GALNT10: variants seen among roughly 807,000 people sequenced by gnomAD.
The protein encoded by GALNT10 is polypeptide N-acetylgalactosaminyltransferase 10, also known as GalNAc transferase 10.
In GALNT10, 41 loss-of-function variants were observed where a neutral mutation model predicts 75.0. The ratio of observed to expected loss-of-function variants is 0.55; its 90% confidence interval spans 0.43 to 0.71. The LOEUF is 0.71. Ranked by LOEUF, GALNT10 falls within the 30% of genes least tolerant of loss-of-function variation. GALNT10 has a pLI of 0.00. For missense variants in GALNT10, 727 were observed against 818.5 expected (o/e 0.89, Z 1.36); for synonymous variants, 302 against 313.0 (o/e 0.96, Z 0.37).
intron 1 of GALNT10, among the ~76,000 whole-genome samples, chr5:154,255,997 T>G (rs1005805352): frequency 2.0e-5 from 3 of 152,160 alleles, no homozygotes; most frequent in Non-Finnish European, 2.9e-5. Context: ...TATAACTCTC[T>G]TAAGTAACCA....
At chr5:154,219,838 T>TCACACACACA (rs553301418) in intron 1 of GALNT10, among the ~76,000 whole-genome samples, 58 of 125,664 alleles carry the variant, frequency 4.6e-4, no homozygotes, top group African/African-American at 1.4e-3. Context: ...TCTCTCTCTC[T>TCACACACACA]CACACACACA....
chr5:154,205,076 C>G (rs1174107739), intron 1 of GALNT10, among the ~76,000 whole-genome samples: 1 of 152,166 alleles, frequency 6.6e-6, no homozygotes, highest in Non-Finnish European at 1.5e-5. Context: ...ATTTGGACAC[C>G]ACTCTGTTCT....
chr5:154,357,451 G>C (rs1052783263), intron 4 of GALNT10, among the ~76,000 whole-genome samples: 1 of 152,064 alleles, frequency 6.6e-6, no homozygotes, highest in South Asian at 2.1e-4. Context: ...TCCATTAAAT[G>C]CCTTTGGTCT....
chr5:154,330,888 G>A (rs942901592), intron 4 of GALNT10, among the ~76,000 whole-genome samples: 1 of 141,414 alleles, frequency 7.1e-6, no homozygotes, highest in African/African-American at 2.8e-5. Context: ...TTAGTACAGA[G>A]GCCTCAGAGA....
chr5:154,266,042 A>C (rs139555040), intron 1 of GALNT10, among the ~76,000 whole-genome samples: 283 of 152,310 alleles, frequency 1.9e-3, no homozygotes, highest in African/African-American at 6.4e-3. Flanking sequence ...GAAATGTGGG[A>C]TGTATAGAAT....
intron 1 of GALNT10, among the ~76,000 whole-genome samples, chr5:154,280,603 C>T (rs1406491602): frequency 1.3e-5 from 2 of 152,184 alleles, no homozygotes; most frequent in African/African-American, 4.8e-5. Flanking sequence ...TCTCCCAGTT[C>T]ATGGCTTGTC....
chr5:154,412,713 C>T lies in GALNT10; in HGVS notation c.1387-176C>T. 1 of 633,518 alleles carries T rather than the reference C, an allele frequency of 1.6e-6. No homozygotes were observed. Among genetic ancestry groups the T allele is most frequent in the Non-Finnish European group, 2.9e-6 (1 of 349,756 alleles). 39.2% of individuals were successfully genotyped at this position (633,518 alleles called of 1,614,324 possible). A position where few individuals can be genotyped will look rare whatever the true frequency, so the allele number is the denominator to read the frequency against. ...AAGGATTACATTCTGTGGACTGAGT[C>T]TTCCTTCATTGAGAGGCTCAAGGTA... On this transcript the variant is annotated intron_variant, in intron 9 of 11. Transcript: ENST00000297107. This position sits in a 1 kb window ranked among gnomAD's most constrained non-coding sequence, Gnocchi z 4.2.
rs182550475 is a variant in GALNT10, at chr5:154,344,265, A to G, written c.568+14527A>G. 5.5e-5 allele frequency among the ~76,000 whole-genome samples: 8 copies of G among 146,470 alleles called. No homozygotes were observed. In the East Asian group the frequency reaches 1.2e-3, roughly 22 times the overall value. On this transcript the variant is annotated intron_variant, in intron 4 of 11. Coordinates refer to ENST00000297107, the MANE Select transcript of GALNT10 (RefSeq NM_198321.4). The stretch of plus-strand genomic sequence containing the variant: ...CTCTGTCTGTCGCCCAGGCTGAAGT[A>G]CAGTGGCATGATCTCGGCTCACTGC...
intron 1 of GALNT10, among the ~76,000 whole-genome samples, chr5:154,209,839 G>A (rs149839741): frequency 7.2e-4 from 110 of 152,236 alleles, no homozygotes; most frequent in African/African-American, 2.4e-3. Context: ...TGTTAGTAAA[G>A]TGCATGTGTT....
chr5:154,207,404 T>G lies in GALNT10; in HGVS notation c.159+16379T>G, dbSNP rs76166058. Among the ~76,000 whole-genome samples, 49 of 152,242 alleles carry G rather than the reference T, an allele frequency of 3.2e-4. No individual in the cohort carries two copies. The East Asian group carries it at 9.1e-3, about 28-fold the overall frequency. ...TCATCAGGGAGATGAAATGTTTCAC[T>G]CAAGGTCACACAGCTGGTCACTGGT... On this transcript the variant is annotated intron_variant, in intron 1 of 11. Transcript: ENST00000297107.
chr5:154,331,257 C>G (rs898170017), intron 4 of GALNT10, among the ~76,000 whole-genome samples: 1 of 152,058 alleles, frequency 6.6e-6, no homozygotes, highest in African/African-American at 2.4e-5. Context: ...AGTACTTCCA[C>G]CCTGGAAGTA....
At chr5:154,205,299 G>A (rs907826111) in intron 1 of GALNT10, among the ~76,000 whole-genome samples, 2 of 152,202 alleles carry the variant, frequency 1.3e-5, no homozygotes, top group African/African-American at 4.8e-5. Flanking sequence ...TGGTATCTCT[G>A]GATGAGGATC....
At position 154,205,541 on chromosome 5, in the gene GALNT10, A is replaced by G. The variant is rs373021373; in HGVS notation, c.159+14516A>G. ...TCCCAGTAAGTGGGTAAATGGGCTC[A>G]TGGGTTGAATCATGTCTCTCAAAAA... On this transcript the variant is annotated intron_variant, in intron 1 of 11. Coordinates refer to ENST00000297107, the MANE Select transcript of GALNT10 (RefSeq NM_198321.4). Among the ~76,000 whole-genome samples, 22 of 152,280 alleles carry G rather than the reference A, an allele frequency of 1.4e-4. No individual in the cohort carries two copies. The East Asian group carries it at 2.1e-3, about 15-fold the overall frequency.
At chr5:154,242,012 C>G (rs1753344109) in intron 1 of GALNT10, among the ~76,000 whole-genome samples, 1 of 152,172 alleles carries the variant, frequency 6.6e-6, no homozygotes, top group African/African-American at 2.4e-5. Context: ...ACTTACAGTG[C>G]CCAGTCCTTC....
intron 1 of GALNT10, 105 bp downstream of exon 1, chr5:154,191,130 C>A: frequency 1.4e-6 from 1 of 736,882 alleles, no homozygotes; most frequent in Non-Finnish European, 1.9e-6. Flanking sequence ...TCAGAGTCAG[C>A]TCCGAGACTC....
rs750524622 is a variant in GALNT10 at position 154,294,828 on chromosome 5, C to T, written c.172C>T (p.Arg58Ter). The change falls in exon 2 of 12, where the codon CGA (arginine) becomes TGA (stop). Residue 58 changes from arginine to a stop codon, truncating the protein, a stop_gained. Coordinates refer to ENST00000297107, the MANE Select transcript of GALNT10 (RefSeq NM_198321.4). LOFTEE classifies it high-confidence loss of function. ...GTCTTTTTTTAAGGGCTCACACAGTCGACAAAAGAAAACGTTTTTCTTGGG... is the reference window on the plus strand; with the variant it reads ...GTCTTTTTTTAAGGGCTCACACAGTTGACAAAAGAAAACGTTTTTCTTGGG... Reference protein sequence around the residue: ...APAAGQGSHSRQKKTFFLGDG... With the variant: ...APAAGQGSHS 2.1e-5 allele frequency: 33 copies of T among 1,587,500 alleles called. No individual in the cohort carries two copies. The highest frequency in any genetic ancestry group is 2.9e-5 in the Non-Finnish European group (33 of 1,155,948).
chr5:154,289,733 T>G (rs1754165803), intron 1 of GALNT10, among the ~76,000 whole-genome samples: 1 of 152,216 alleles, frequency 6.6e-6, no homozygotes, highest in South Asian at 2.1e-4. Context: ...TCTGTAGACA[T>G]TTTTACTTAG....
chr5:154,285,269 G>A (rs1754094955), intron 1 of GALNT10, among the ~76,000 whole-genome samples: 1 of 152,162 alleles, frequency 6.6e-6, no homozygotes. Flanking sequence ...AGCACGGGAG[G>A]CTCACCACCA....
chr5:154,262,511 G>A (rs1753714190), intron 1 of GALNT10, among the ~76,000 whole-genome samples: 1 of 152,170 alleles, frequency 6.6e-6, no homozygotes, highest in African/African-American at 2.4e-5. Flanking sequence ...AGCCAGGCAG[G>A]CATCACCAAG....
Sources: allele counts gnomAD v4.1 joint callset (sites outside exome capture counted in the v4.1 genomes callset), GRCh38; gene constraint gnomAD v4.1.1; non-coding constraint Gnocchi (gnomAD v3.1); transcripts MANE v1.5; gene names NCBI Gene and HGNC (gene_info 2026-07-23, HGNC 2026-07-21).